MPHOSPH8: variants seen among roughly 807,000 people sequenced by gnomAD.
MPHOSPH8 encodes M-phase phosphoprotein 8.
A neutral mutation model predicts 87.3 loss-of-function variants in MPHOSPH8; 45 were observed. The observed-to-expected ratio is 0.52, with a 90% CI of 0.41 to 0.66. MPHOSPH8 has a LOEUF of 0.66. Ranked by LOEUF, MPHOSPH8 falls within the 30% of genes least tolerant of loss-of-function variation. The probability of loss-of-function intolerance (pLI) is 0.00; values close to 1 mark genes in which losing one functional copy is unlikely to be tolerated. For synonymous variants in MPHOSPH8, 366 were observed against 376.9 expected, an observed-to-expected ratio of 0.97 and a Z score of 0.33; for missense variants, 883 against 1,020.2, an observed-to-expected ratio of 0.87 and a Z score of 1.83.
At chr13:19,647,319 C>G (rs1469786390) in intron 3 of MPHOSPH8, 28 bp downstream of exon 3, 1 of 1,548,456 alleles carries the variant, frequency 6.5e-7, no homozygotes, top group Non-Finnish European at 8.7e-7. Context: ...CAGCAGAAAA[C>G]CCATGTTGAG....
rs1876210686 is a variant in MPHOSPH8 at position 19,672,797 on chromosome 13, G to C, written c.*922G>C. 4.0e-6 allele frequency: 1 copy of C among 253,144 alleles called. No homozygotes were observed. The highest frequency in any genetic ancestry group is 7.9e-6 in the Non-Finnish European group (1 of 126,334). The allele number at this position is 253,144 out of a possible 1,614,324, so 15.7% of individuals were successfully genotyped here. On this transcript the variant is annotated 3_prime_UTR_variant, in exon 14 of 14. Coordinates refer to ENST00000361479, the MANE Select transcript of MPHOSPH8 (RefSeq NM_017520.4). ...CCAGTACACTATGAGACCTAAAAGA[G>C]AGTATTAAATGTGAACTTTTAGCAG... is the stretch of plus-strand genomic sequence containing the variant.
chr13:19,633,975 C>A lies in MPHOSPH8; in HGVS notation c.213+14C>A. The A allele has an allele frequency of 6.3e-7, 1 of 1,599,396 alleles. No homozygotes were observed. Among genetic ancestry groups the A allele is most frequent in the Non-Finnish European group, 8.5e-7 (1 of 1,173,832 alleles). On this transcript the variant is annotated intron_variant, in intron 1 of 13. Transcript: ENST00000361479. The stretch of plus-strand genomic sequence containing the variant: ...AAGACCGAGGGGGTATGTGGAGGGG[C>A]CCCGGCGCGGGGCTGGGCGGGGAGC...
intron 1 of MPHOSPH8, 113 bp downstream of exon 1, chr13:19,634,074 G>C: frequency 9.0e-7 from 1 of 1,114,592 alleles, no homozygotes; most frequent in South Asian, 1.4e-5. Flanking sequence ...GGAGGAATGT[G>C]AGAGTTCAAT....
chr13:19,665,155 G>A (rs1313362558), intron 9 of MPHOSPH8, among the ~76,000 whole-genome samples: 1 of 152,072 alleles, frequency 6.6e-6, no homozygotes, highest in African/African-American at 2.4e-5. Flanking sequence ...TTTCTTCCCT[G>A]AGCGGACATG....
rs1329264048 is a variant in MPHOSPH8 at position 19,633,912 on chromosome 13, G to C, written c.164G>C (p.Gly55Ala). 6.2e-7 allele frequency: 1 copy of C among 1,611,606 alleles called. No homozygotes were observed. The highest frequency in any genetic ancestry group is 1.3e-5 in the African/African-American group (1 of 74,936). The part of the protein sequence containing the change: ...AEAFGDSEED[G>A]EDVFEVEKIL... ...GCCTTTGGCGACAGTGAGGAGGACGGAGAGGATGTGTTCGAGGTGGAGAAG... is the reference window on the plus strand; with the variant it reads ...GCCTTTGGCGACAGTGAGGAGGACGCAGAGGATGTGTTCGAGGTGGAGAAG... The change falls in exon 1 of 14, where the codon GGA becomes GCA. Residue 55 changes from glycine (G) to alanine (A), a missense_variant. By Grantham distance (60) the Gly-to-Ala change is moderately conservative. Transcript: ENST00000361479.
intron 1 of MPHOSPH8, among the ~76,000 whole-genome samples, chr13:19,638,076 G>A (rs1456232495): frequency 2.0e-5 from 3 of 151,324 alleles, no homozygotes; most frequent in African/African-American, 7.3e-5. Flanking sequence ...AGTCCAGCCT[G>A]GGCGAAAGAG....
chr13:19,647,027 G>C lies in MPHOSPH8; in HGVS notation c.954G>C (p.Met318Ile). The C allele has an allele frequency of 6.2e-7, 1 of 1,605,294 alleles. No individual in the cohort carries two copies. Among genetic ancestry groups the C allele is most frequent in the Non-Finnish European group, 8.5e-7 (1 of 1,177,778 alleles). ...TTGAGAAGCCCCTAGACAGTGCCAT[G>C]AGTGCTGAGGAGGATACCGATGTCA... ...HGFEKPLDSA[M>I]SAEEDTDVRG... The change falls in exon 3 of 14, where the codon ATG (methionine) becomes ATC (isoleucine). Residue 318 changes from methionine (M) to isoleucine (I), a missense_variant. Coordinates refer to ENST00000361479, the MANE Select transcript of MPHOSPH8 (RefSeq NM_017520.4).
intron 1 of MPHOSPH8, 38 bp from the exon 2 acceptor site, chr13:19,642,077 A>C (rs752151517): frequency 1.7e-6 from 2 of 1,181,386 alleles, no homozygotes; most frequent in Non-Finnish European, 2.2e-6. Context: ...TCAAGTTAGC[A>C]ATCTGCTTTA....
intron 1 of MPHOSPH8, among the ~76,000 whole-genome samples, chr13:19,641,480 C>CTTTTTTT (rs869295535): frequency 1.4e-5 from 1 of 72,258 alleles, no homozygotes; most frequent in Non-Finnish European, 2.4e-5. Flanking sequence ...GTGCCACCAT[C>CTTTTTTT]TTTTTTTTTT....
chr13:19,650,100 A>G lies in MPHOSPH8; in HGVS notation c.1416A>G (p.Pro472=), dbSNP rs2137516267. 6.2e-7 allele frequency: 1 copy of G among 1,614,004 alleles called. No homozygotes were observed. Among genetic ancestry groups the G allele is most frequent in the South Asian group, 1.1e-5 (1 of 91,064 alleles). The change falls in exon 5 of 14, where the codon CCA becomes CCG. Residue 472 remains proline (P), a synonymous_variant. Transcript: ENST00000361479. ...ATAATCGGAAAAGGGAAGAAATACC[A>G]CTGGATTTTAAAACCATAGACGATC... ...SENNRKREEI[P]LDFKTIDDHK...
chr13:19,671,229 C>T lies in MPHOSPH8; in HGVS notation c.2481C>T (p.Phe827=). 5 of 1,613,868 alleles carry T rather than the reference C, an allele frequency of 3.1e-6. No individual in the cohort carries two copies. The highest frequency in any genetic ancestry group is 1.7e-5 in the Admixed American group (1 of 60,002). Residue 827 remains phenylalanine (F), a synonymous_variant, in exon 13 of 14, where the codon TTC becomes TTT. Coordinates refer to ENST00000361479, the MANE Select transcript of MPHOSPH8 (RefSeq NM_017520.4). ...AGGACAGTCATTTTGTTTACTCATT[C>T]AGCCCTGTTGCAGGTCCCAATAAAC... ...VFLDSHFVYS[F]SPVAGPNKLF...
At chr13:19,659,357 C>T in intron 7 of MPHOSPH8, 68 bp downstream of exon 7, 1 of 1,288,192 alleles carries the variant, frequency 7.8e-7, no homozygotes, top group Non-Finnish European at 1.1e-6. Flanking sequence ...TTCAGTTTAA[C>T]TTTTCATTTA....
intron 1 of MPHOSPH8, 69 bp from the exon 2 acceptor site, chr13:19,642,046 T>TTG: frequency 9.3e-7 from 1 of 1,070,500 alleles, no homozygotes; most frequent in Non-Finnish European, 1.2e-6. Context: ...ATCAGTTTTT[T>TTG]TTTTTTTTTT....
In MPHOSPH8 at chr13:19,671,279, C is replaced by T; in HGVS notation, c.2531C>T (p.Pro844Leu). Residue 844 changes from proline to leucine, a missense_variant, in exon 13 of 14, where the codon CCC becomes CTC. Pro to Leu is a moderately conservative substitution (Grantham distance 98). Coordinates refer to ENST00000361479, the MANE Select transcript of MPHOSPH8 (RefSeq NM_017520.4). ...NKLFIRLTEAPSAKVKLLIGA... is the reference protein window; with the variant it reads ...NKLFIRLTEALSAKVKLLIGA... Reference sequence around the variant, plus strand: ...CTCTTCATAAGGTTGACAGAAGCACCCTCTGCCAAGGTGACAGTCCTTTCT... The same window carrying T: ...CTCTTCATAAGGTTGACAGAAGCACTCTCTGCCAAGGTGACAGTCCTTTCT... 1 of 1,613,014 alleles carries T rather than the reference C, an allele frequency of 6.2e-7. No homozygotes were observed. The highest frequency in any genetic ancestry group is 8.5e-7 in the Non-Finnish European group (1 of 1,179,138).
intron 5 of MPHOSPH8, 123 bp from the exon 6 acceptor site, chr13:19,658,872 C>T: frequency 8.2e-7 from 1 of 1,224,708 alleles, no homozygotes; most frequent in Non-Finnish European, 1.1e-6. Context: ...CCCCATTATA[C>T]AATGACTTGT....
chr13:19,660,707 T>C (rs1875477892), intron 7 of MPHOSPH8, among the ~76,000 whole-genome samples: 1 of 152,196 alleles, frequency 6.6e-6, no homozygotes, highest in Non-Finnish European at 1.5e-5. Flanking sequence ...TTTATAATGG[T>C]CATTAGAGTC....
Position 19,633,781 on chromosome 13 carries a change from C to A in MPHOSPH8, c.33C>A (p.Thr11=), listed in dbSNP as rs1236874458. 1 of 1,605,390 alleles carries A rather than the reference C, an allele frequency of 6.2e-7. No homozygotes were observed. Among genetic ancestry groups the A allele is most frequent in the South Asian group, 1.1e-5 (1 of 89,184 alleles). The change falls in exon 1 of 14, where the codon ACC becomes ACA. Residue 11 remains threonine (T), a synonymous_variant. Transcript: ENST00000361479. MEQVAEGARV[T]AVPVSAADST... Reference sequence around the variant, plus strand: ...AGGTTGCGGAGGGAGCAAGGGTGACCGCAGTCCCTGTGTCAGCTGCCGACA... The same window carrying A: ...AGGTTGCGGAGGGAGCAAGGGTGACAGCAGTCCCTGTGTCAGCTGCCGACA...
In MPHOSPH8 at chr13:19,641,480, C is replaced by CTT. The variant is rs869295535; in HGVS notation, c.214-609_214-608dup. ...TGGGACTACAGGCACGTGCCACCAT[C>CTT]TTTTTTTTTTTTTTTTTTTTTTTTT... On this transcript the variant is annotated intron_variant, in intron 1 of 13. Coordinates refer to ENST00000361479, the MANE Select transcript of MPHOSPH8 (RefSeq NM_017520.4). 1.5e-3 allele frequency among the ~76,000 whole-genome samples: 112 copies of CTT among 72,296 alleles called. 2 individuals are homozygous for CTT. Among genetic ancestry groups the CTT allele is most frequent in the African/African-American group, 3.8e-3 (49 of 12,756 alleles). The allele number at this position is 72,296 out of a possible 152,430, so 47.4% of individuals were successfully genotyped here.
At chr13:19,639,322 T>C (rs908378808) in intron 1 of MPHOSPH8, among the ~76,000 whole-genome samples, 3 of 151,734 alleles carry the variant, frequency 2.0e-5, no homozygotes, top group Admixed American at 2.0e-4. Context: ...TTTTTTTTTT[T>C]TCTTTTGAGA....
Sources: gnomAD v4.1 joint callset for allele counts (sites outside exome capture counted in the v4.1 genomes callset) on GRCh38, gnomAD v4.1.1 for gene constraint, MANE v1.5 for transcripts, NCBI Gene and HGNC (gene_info 2026-07-23, HGNC 2026-07-21) for gene names.